PDE9A: variants seen among roughly 807,000 people sequenced by gnomAD.
PDE9A encodes the protein high affinity cGMP-specific 3',5'-cyclic phosphodiesterase 9A.
A neutral mutation model predicts 87.4 loss-of-function variants in PDE9A; 60 were observed. That is an observed-to-expected ratio of 0.69 (90% CI 0.56 to 0.85). The LOEUF is 0.85. PDE9A is among the 40% of genes least tolerant of loss of function. The probability of loss-of-function intolerance (pLI) is 0.00; values close to 1 mark genes in which losing one functional copy is unlikely to be tolerated. For missense variants in PDE9A, 665 were observed against 779.0 expected, an observed-to-expected ratio of 0.85 and a Z score of 1.74; for synonymous variants, 272 against 279.4, an observed-to-expected ratio of 0.97 and a Z score of 0.27.
intron 4 of PDE9A, among the ~76,000 whole-genome samples, chr21:42,728,979 G>A (rs1208935769): frequency 7.1e-6 from 1 of 140,398 alleles, no homozygotes; most frequent in Non-Finnish European, 1.5e-5. Context: ...CAGCTTGGGG[G>A]ACAGAGTGAG....
intron 8 of PDE9A, among the ~76,000 whole-genome samples, chr21:42,747,204 G>A (rs771098910): frequency 6.6e-6 from 1 of 151,980 alleles, no homozygotes; most frequent in South Asian, 2.1e-4. Flanking sequence ...GTCAACAGCA[G>A]AGTTACATCT....
chr21:42,694,621 C>T lies in PDE9A; in HGVS notation c.219-4347C>T, dbSNP rs1321576894. ...GATTATTCTTTCAAAATACTCCTTG[C>T]CTTAATGCCATCCTTTAGATTTTGG... On this transcript the variant is annotated intron_variant, in intron 3 of 19. Transcript: ENST00000291539. The surrounding 1 kb of genome is among the most constrained non-coding windows in gnomAD (Gnocchi z 5.3). 6.6e-6 allele frequency among the ~76,000 whole-genome samples: 1 copy of T among 152,210 alleles called. No individual in the cohort carries two copies. Among genetic ancestry groups the T allele is most frequent in the Non-Finnish European group, 1.5e-5 (1 of 68,038 alleles).
At chr21:42,735,364 C>T (rs928765538) in intron 7 of PDE9A, among the ~76,000 whole-genome samples, 2 of 152,222 alleles carry the variant, frequency 1.3e-5, no homozygotes. Context: ...GCAAGGCAGG[C>T]CCCACGAAGG....
rs1463894336 is a variant in PDE9A at position 42,704,137 on chromosome 21, T to C, written c.262+5126T>C. Reference sequence around the variant, plus strand: ...ACACTTCTGCTGGGCTGGGCAAGACTTCCCTCTTCAGAGAGGATGAGCGGC... The same window carrying C: ...ACACTTCTGCTGGGCTGGGCAAGACCTCCCTCTTCAGAGAGGATGAGCGGC... On this transcript the variant is annotated intron_variant, in intron 4 of 19. Transcript: ENST00000291539. The surrounding 1 kb of genome is among the most constrained non-coding windows in gnomAD (Gnocchi z 5.3). Among the ~76,000 whole-genome samples, 2 of 152,172 alleles carry C rather than the reference T, an allele frequency of 1.3e-5. No individual in the cohort carries two copies. Among genetic ancestry groups the C allele is most frequent in the African/African-American group, 2.4e-5 (1 of 41,452 alleles).
rs142146063 is a variant in PDE9A, at chr21:42,767,024, G to A, written c.1357-1164G>A. The stretch of plus-strand genomic sequence containing the variant: ...GACCAGAGGCAAAGCGAGGCTCAGA[G>A]CCCAGGGTTCCGTTTATCCCAACGA... On this transcript the variant is annotated intron_variant, in intron 15 of 19. Coordinates refer to ENST00000291539, the MANE Select transcript of PDE9A (RefSeq NM_002606.3). Among the ~76,000 whole-genome samples, 420 of 152,284 alleles carry A rather than the reference G, an allele frequency of 2.8e-3. 1 individual carries two copies. The highest frequency in any genetic ancestry group is 5.4e-3 in the Admixed American group (83 of 15,300).
chr21:42,661,071 G>A (rs57355000), intron 1 of PDE9A, among the ~76,000 whole-genome samples: 11,929 of 148,114 alleles, frequency 0.081, 932 homozygotes, highest in East Asian at 0.24. Context: ...TCGCTCTGTC[G>A]CCCAGGCTAG....
chr21:42,751,272 C>T, intron 9 of PDE9A, 75 bp downstream of exon 9: 3 of 1,043,658 alleles, frequency 2.9e-6, no homozygotes, highest in Middle Eastern at 4.3e-4. Flanking sequence ...GGCCCTGCGG[C>T]CAGACCCTGC....
chr21:42,666,429 G>T (rs1257833489), intron 1 of PDE9A, among the ~76,000 whole-genome samples: 1 of 152,216 alleles, frequency 6.6e-6, no homozygotes, highest in Non-Finnish European at 1.5e-5. Flanking sequence ...CCCAGCAGGA[G>T]CGCAGAGCAG....
chr21:42,714,554 T>C (rs66774930), intron 4 of PDE9A, among the ~76,000 whole-genome samples: 6,187 of 116,428 alleles, frequency 0.053, 85 homozygotes, highest in East Asian at 0.15. Context: ...TCTTTGTCGA[T>C]ATGGTTGGGG....
intron 19 of PDE9A, among the ~76,000 whole-genome samples, chr21:42,774,112 T>A (rs2057308805): frequency 1.3e-5 from 2 of 151,852 alleles, no homozygotes; most frequent in African/African-American, 4.8e-5. Flanking sequence ...AAATAATAAA[T>A]AAGGTCAGAC....
chr21:42,727,689 T>C (rs2051290443), intron 4 of PDE9A, among the ~76,000 whole-genome samples: 1 of 152,040 alleles, frequency 6.6e-6, no homozygotes, highest in African/African-American at 2.4e-5. Context: ...TATACAATTG[T>C]AGTAAATACA....
At chr21:42,753,634 G>T (rs1044626214) in intron 9 of PDE9A, among the ~76,000 whole-genome samples, 1 of 151,958 alleles carries the variant, frequency 6.6e-6, no homozygotes, top group Admixed American at 6.5e-5. Flanking sequence ...AGGCCAAGGC[G>T]GGTGGATCAC....
intron 1 of PDE9A, among the ~76,000 whole-genome samples, chr21:42,654,393 C>A (rs1303609564): frequency 6.6e-6 from 1 of 152,152 alleles, no homozygotes; most frequent in Non-Finnish European, 1.5e-5. Context: ...GGCAGCGGGT[C>A]CGGCTCTCCC....
chr21:42,775,231 C>T lies in PDE9A; in HGVS notation c.1769-49C>T, dbSNP rs186655472. ...CTGGGATTAAAGGTGTGAGCCACCG[C>T]GCCCTAATTCTAACAAAAACAAATC... On this transcript the variant is annotated intron_variant, in intron 19 of 19. Coordinates refer to ENST00000291539, the MANE Select transcript of PDE9A (RefSeq NM_002606.3). 376 of 1,601,778 alleles carry T rather than the reference C, an allele frequency of 2.3e-4. 4 individuals are homozygous for T. Among genetic ancestry groups the T allele is most frequent in the South Asian group, 1.1e-3 (97 of 89,974 alleles).
intron 1 of PDE9A, among the ~76,000 whole-genome samples, chr21:42,656,768 C>T (rs1569087945): frequency 1.3e-5 from 2 of 151,588 alleles, no homozygotes; most frequent in Non-Finnish European, 2.9e-5. Context: ...TCGGAGGTTG[C>T]CTCCTGAGCC....
At position 42,659,460 on chromosome 21, in the gene PDE9A, C is replaced by A. The variant is rs1051867341; in HGVS notation, c.69+5577C>A. 4.6e-5 allele frequency among the ~76,000 whole-genome samples: 7 copies of A among 152,204 alleles called. No individual in the cohort carries two copies. Among genetic ancestry groups the A allele is most frequent in the African/African-American group, 1.7e-4 (7 of 41,438 alleles). ...GGAGGCCTGGGCAAAATCACTTTCT[C>A]CCCAGGGAAGTGGAGGCTCACTGTG... On this transcript the variant is annotated intron_variant, in intron 1 of 19. Transcript: ENST00000291539. This position sits in a 1 kb window ranked among gnomAD's most constrained non-coding sequence, Gnocchi z 4.1.
rs538981511 is a variant in PDE9A at position 42,687,814 on chromosome 21, G to C, written c.141-103G>C. 6.1e-6 allele frequency: 6 copies of C among 983,056 alleles called. No homozygotes were observed. The African/African-American group carries it at 9.5e-5, about 16-fold the overall frequency. 60.9% of individuals were successfully genotyped at this position (983,056 alleles called of 1,614,324 possible). ...CCACACCTTGGTCAGGCTGGTCCTG[G>C]GACTGTCCTGGTTGTCTCAGGGCTC... On this transcript the variant is annotated intron_variant, in intron 2 of 19. Transcript: ENST00000291539.
In PDE9A at chr21:42,675,453, A is replaced by G. The variant is rs1200485244; in HGVS notation, c.70-10739A>G. On this transcript the variant is annotated intron_variant, in intron 1 of 19. Coordinates refer to ENST00000291539, the MANE Select transcript of PDE9A (RefSeq NM_002606.3). The surrounding 1 kb of genome is among the most constrained non-coding windows in gnomAD (Gnocchi z 4.3). ...TAGATCGTCCGTGGAAAGCACCAGAATGGTGCCTGGCACTTAATAAATGCT... is the reference window on the plus strand; with the variant it reads ...TAGATCGTCCGTGGAAAGCACCAGAGTGGTGCCTGGCACTTAATAAATGCT... Among the ~76,000 whole-genome samples the G allele has an allele frequency of 1.3e-5, 2 of 152,214 alleles. No homozygotes were observed. The highest frequency in any genetic ancestry group is 1.3e-4 in the Admixed American group (2 of 15,286).
chr21:42,716,063 T>A (rs9976272), intron 4 of PDE9A, among the ~76,000 whole-genome samples: 1 of 151,870 alleles, frequency 6.6e-6, no homozygotes, highest in African/African-American at 2.4e-5. Context: ...TTTATGCCTT[T>A]TCCCGGCATC....
Sources: allele counts gnomAD v4.1 joint callset (sites outside exome capture counted in the v4.1 genomes callset), GRCh38; gene constraint gnomAD v4.1.1; non-coding constraint Gnocchi (gnomAD v3.1); transcripts MANE v1.5; gene names NCBI Gene and HGNC (gene_info 2026-07-23, HGNC 2026-07-21).